The following CCDC178 variants were observed in gnomAD, a reference collection of about 807,000 sequenced individuals.
CCDC178 encodes the protein coiled-coil domain-containing protein 178.
A neutral mutation model predicts 117.4 loss-of-function variants in CCDC178; 126 were observed. The ratio of observed to expected loss-of-function variants is 1.07; its 90% CI spans 0.93 to 1.24. The LOEUF (loss-of-function observed/expected upper bound fraction) is 1.24. Among genes scored for constraint, CCDC178 ranks in the 50% most tolerant of loss-of-function variants. The probability of loss-of-function intolerance (pLI) is 0.00; values close to 1 mark genes in which losing one functional copy is unlikely to be tolerated. For synonymous variants in CCDC178, 283 were observed against 313.4 expected, an observed-to-expected ratio of 0.90 and a Z score of 1.02; for missense variants, 1,030 against 986.9, an observed-to-expected ratio of 1.04 and a Z score of -0.59.
At chr18:33,242,949 C>T (rs1422136300) in intron 15 of CCDC178, among the ~76,000 whole-genome samples, 1 of 151,686 alleles carries the variant, frequency 6.6e-6, no homozygotes, top group South Asian at 2.1e-4. Flanking sequence ...ATCTGTATCC[C>T]CATGTTTTTT....
intron 9 of CCDC178, among the ~76,000 whole-genome samples, chr18:33,343,861 A>C (rs1345288704): frequency 6.6e-6 from 1 of 152,200 alleles, no homozygotes; most frequent in Non-Finnish European, 1.5e-5. Flanking sequence ...ACTTTTGAGA[A>C]TCTAAAGACT....
chr18:33,225,554 T>G (rs1426578159), intron 16 of CCDC178, among the ~76,000 whole-genome samples: 1 of 152,172 alleles, frequency 6.6e-6, no homozygotes, highest in South Asian at 2.1e-4. Flanking sequence ...AAAAAAATAT[T>G]TCCCAGCCCA....
At chr18:33,056,989 T>G (rs1420130915) in intron 21 of CCDC178, among the ~76,000 whole-genome samples, 1 of 151,454 alleles carries the variant, frequency 6.6e-6, no homozygotes, top group Admixed American at 6.6e-5. Context: ...TCCAATATTC[T>G]GTAATAAGCA....
At chr18:33,294,710 A>G (rs1457784916) in intron 11 of CCDC178, among the ~76,000 whole-genome samples, 2 of 152,212 alleles carry the variant, frequency 1.3e-5, no homozygotes, top group African/African-American at 2.4e-5. Flanking sequence ...GATAGCCTCA[A>G]CATTCAAAAT....
intron 2 of CCDC178, among the ~76,000 whole-genome samples, chr18:33,432,814 C>T (rs942486364): frequency 2.0e-5 from 3 of 152,060 alleles, no homozygotes; most frequent in Non-Finnish European, 2.9e-5. Context: ...GAAACAGCTG[C>T]CTTGAACTTT....
intron 2 of CCDC178, among the ~76,000 whole-genome samples, chr18:33,417,559 C>CAA (rs2063962498): frequency 6.6e-6 from 1 of 151,782 alleles, no homozygotes; most frequent in South Asian, 2.1e-4. Flanking sequence ...CACACACACA[C>CAA]ACACAAATAA....
chr18:33,263,154 A>C (rs1360248924), intron 14 of CCDC178, among the ~76,000 whole-genome samples: 1 of 152,148 alleles, frequency 6.6e-6, no homozygotes, highest in Non-Finnish European at 1.5e-5. Flanking sequence ...CAACTATAAC[A>C]CTCAAGTTAG....
chr18:33,339,169 C>T, intron 9 of CCDC178, among the ~76,000 whole-genome samples: 1 of 151,818 alleles, frequency 6.6e-6, no homozygotes, highest in Non-Finnish European at 1.5e-5. Context: ...AGTAAATAAT[C>T]AAAGCATCTA....
intron 2 of CCDC178, among the ~76,000 whole-genome samples, chr18:33,413,349 G>C (rs1377236097): frequency 6.6e-6 from 1 of 151,982 alleles, no homozygotes; most frequent in Non-Finnish European, 1.5e-5. Context: ...CTATAGAAAA[G>C]AGCATAACTA....
chr18:33,343,422 T>C (rs2062843565), intron 9 of CCDC178, among the ~76,000 whole-genome samples: 1 of 152,194 alleles, frequency 6.6e-6, no homozygotes, highest in Non-Finnish European at 1.5e-5. Flanking sequence ...ATTTGCTAGT[T>C]AATTGGCTAC....
At chr18:33,070,183 C>T (rs1257576050) in intron 21 of CCDC178, among the ~76,000 whole-genome samples, 1 of 151,892 alleles carries the variant, frequency 6.6e-6, no homozygotes, top group Non-Finnish European at 1.5e-5. Context: ...GGGTATTTAT[C>T]CAAAGGAAAA....
intron 20 of CCDC178, among the ~76,000 whole-genome samples, chr18:33,106,594 C>A (rs2057708485): frequency 6.6e-6 from 1 of 151,630 alleles, no homozygotes; most frequent in Admixed American, 6.6e-5. Flanking sequence ...ATCAAGCTAA[C>A]CCTTCAGAAG....
chr18:33,421,729 T>A (rs2045887067), intron 2 of CCDC178, among the ~76,000 whole-genome samples: 1 of 152,116 alleles, frequency 6.6e-6, no homozygotes, highest in South Asian at 2.1e-4. Flanking sequence ...AGGTTATCAA[T>A]GCTGGAACGG....
rs57402084 is a variant in CCDC178, at chr18:32,980,570, C to CAAAA, written c.2389-5893_2389-5890dup. Among the ~76,000 whole-genome samples, 60 of 76,300 alleles carry CAAAA rather than the reference C, an allele frequency of 7.9e-4. 2 individuals are homozygous for CAAAA. Among genetic ancestry groups the CAAAA allele is most frequent in the African/African-American group, 2.8e-3 (47 of 16,802 alleles). The allele number at this position is 76,300 out of a possible 152,430, so 50.1% of individuals were successfully genotyped here. A position where few individuals can be genotyped will look rare whatever the true frequency, so the allele number is the denominator to read the frequency against. On this transcript the variant is annotated intron_variant, in intron 21 of 22. Transcript: ENST00000383096. ...TGGGCGACAGAACGAGACTCCGTCT[C>CAAAA]AAAAAAAAAAAAAAAAAAAAAAAGC...
intron 22 of CCDC178, among the ~76,000 whole-genome samples, chr18:32,961,789 T>C (rs2054709553): frequency 6.6e-6 from 1 of 152,108 alleles, no homozygotes; most frequent in Admixed American, 6.6e-5. Context: ...CTGCTCACCT[T>C]CTACTGTGCA....
chr18:33,306,673 A>C (rs1039773174), intron 11 of CCDC178, among the ~76,000 whole-genome samples: 2 of 150,680 alleles, frequency 1.3e-5, no homozygotes, highest in Non-Finnish European at 2.9e-5. Context: ...CAAATGGCTT[A>C]TAATCATAAA....
At chr18:33,219,602 AGGATGAGTTCATGTCCTTTGTAGGGACAT>A (rs2059207014) in intron 18 of CCDC178, among the ~76,000 whole-genome samples, 1 of 152,194 alleles carries the variant, frequency 6.6e-6, no homozygotes, top group African/African-American at 2.4e-5. Flanking sequence ...AGCCATAAAA[AGGATGAGTTCATGTCCTTTGTAGGGACAT>A]GGATGAAGCT....
At chr18:33,250,630 A>G (rs1049693254) in intron 14 of CCDC178, among the ~76,000 whole-genome samples, 2 of 151,770 alleles carry the variant, frequency 1.3e-5, no homozygotes, top group African/African-American at 4.8e-5. Flanking sequence ...GTATTTTCAA[A>G]ATATGTAATA....
chr18:32,954,979 C>T lies in CCDC178; in HGVS notation c.2524-16888G>A, dbSNP rs1294034865. Reference sequence around the variant, plus strand: ...CTATCTCTCAAATACCCTTCTTTATCTCCAGTGACATTACATCATTTCAGG... The same window carrying T: ...CTATCTCTCAAATACCCTTCTTTATTTCCAGTGACATTACATCATTTCAGG... On this transcript the variant is annotated intron_variant, in intron 22 of 22. Transcript: ENST00000383096. Among the ~76,000 whole-genome samples the T allele has an allele frequency of 3.3e-5, 5 of 152,072 alleles. No individual in the cohort carries two copies. The East Asian group carries it at 9.6e-4, about 29-fold the overall frequency.
Sources: allele counts gnomAD v4.1 joint callset (sites outside exome capture counted in the v4.1 genomes callset), GRCh38; gene constraint gnomAD v4.1.1; transcripts MANE v1.5; gene names NCBI Gene and HGNC (gene_info 2026-07-23, HGNC 2026-07-21).